Variants in ADAMTS17 observed in about 807,000 individuals in gnomAD.
ADAMTS17 encodes ADAM metallopeptidase with thrombospondin type 1 motif 17.
A neutral mutation model predicts 141.5 loss-of-function variants in ADAMTS17; 113 were observed. The ratio of observed to expected loss-of-function variants is 0.80; its 90% confidence interval spans 0.69 to 0.93. The LOEUF is 0.93. Among genes scored for constraint, ADAMTS17 ranks in the 40% least tolerant of loss-of-function variants. The pLI is 0.00. For missense variants in ADAMTS17, 1,659 were observed against 1,517.9 expected, an observed-to-expected ratio of 1.09 and a Z score of -1.54; for synonymous variants, 768 against 630.6, an observed-to-expected ratio of 1.22 and a Z score of -3.27.
intron 6 of ADAMTS17, among the ~76,000 whole-genome samples, chr15:100,261,083 C>T (rs1313255272): frequency 1.3e-5 from 2 of 152,182 alleles, no homozygotes; most frequent in South Asian, 2.1e-4. Context: ...AAGTCCTGAC[C>T]CTCAGTACCT....
chr15:100,006,839 G>A (rs1264026381), intron 18 of ADAMTS17, among the ~76,000 whole-genome samples: 2 of 152,226 alleles, frequency 1.3e-5, no homozygotes, highest in South Asian at 2.1e-4. Context: ...ATTCCAGGCA[G>A]GGCATCAAGA....
intron 7 of ADAMTS17, among the ~76,000 whole-genome samples, chr15:100,201,748 T>C (rs189295755): frequency 3.9e-5 from 6 of 152,048 alleles, no homozygotes; most frequent in African/African-American, 1.4e-4. Context: ...AACCCAGCAA[T>C]GCAGACTATT....
chr15:100,281,470 C>A (rs2044281334), intron 3 of ADAMTS17, 69 bp from the exon 4 acceptor site: 3 of 1,554,170 alleles, frequency 1.9e-6, no homozygotes, highest in Admixed American at 3.8e-5. Context: ...AGTGAACAGG[C>A]CTTCTGTCAA....
At chr15:100,183,372 T>C (rs1345927745) in intron 8 of ADAMTS17, among the ~76,000 whole-genome samples, 1 of 152,208 alleles carries the variant, frequency 6.6e-6, no homozygotes, top group Admixed American at 6.5e-5. Context: ...TCTGTTCAGA[T>C]TGAGTGAATT....
At chr15:100,077,715 G>A (rs572146751) in intron 15 of ADAMTS17, among the ~76,000 whole-genome samples, 2 of 152,282 alleles carry the variant, frequency 1.3e-5, no homozygotes, top group East Asian at 1.9e-4. Flanking sequence ...AACAAGACAA[G>A]GACGTCCTGC....
intron 14 of ADAMTS17, among the ~76,000 whole-genome samples, chr15:100,106,368 G>T (rs574018586): frequency 6.6e-6 from 1 of 152,240 alleles, no homozygotes; most frequent in African/African-American, 2.4e-5. Flanking sequence ...ACACCCAAGT[G>T]CAGAACAGGG....
At position 100,102,449 on chromosome 15, in the gene ADAMTS17, CAAAGGGGATCTACATTTGAGGGCCAACT is replaced by C. The variant is rs1555449579; in HGVS notation, c.2017-6001_2017-5974del. ...AGGGGATCTACATTTGAGGGCCGACCAAAGGGGATCTACATTTGAGGGCCAACTGAAGGGGATCTACATTTGAGGGCCG... is the reference window on the plus strand; with the variant it reads ...AGGGGATCTACATTTGAGGGCCGACCGAAGGGGATCTACATTTGAGGGCCG... On this transcript the variant is annotated intron_variant, in intron 14 of 21. Coordinates refer to ENST00000268070, the MANE Select transcript of ADAMTS17 (RefSeq NM_139057.4). Among the ~76,000 whole-genome samples, 136 of 60,810 alleles carry C rather than the reference CAAAGGGGATCTACATTTGAGGGCCAACT, an allele frequency of 2.2e-3. 2 individuals carry two copies. Among genetic ancestry groups the C allele is most frequent in the Middle Eastern group, 8.1e-3 (1 of 124 alleles). The allele number at this position is 60,810 out of a possible 152,430, so 39.9% of individuals were successfully genotyped here. A position where few individuals can be genotyped will look rare whatever the true frequency, so the allele number is the denominator to read the frequency against.
intron 7 of ADAMTS17, among the ~76,000 whole-genome samples, chr15:100,226,347 A>G (rs541443669): frequency 6.6e-6 from 1 of 152,356 alleles, no homozygotes; most frequent in African/African-American, 2.4e-5. Flanking sequence ...CTCCAAAGAT[A>G]AGCAGGAGTC....
intron 10 of ADAMTS17, among the ~76,000 whole-genome samples, 167 bp downstream of exon 10, chr15:100,152,445 T>C (rs2039213724): frequency 6.6e-6 from 1 of 152,192 alleles, no homozygotes; most frequent in African/African-American, 2.4e-5. Context: ...TGTTTATGCA[T>C]GTCTCTGTAT....
chr15:100,094,464 A>G (rs947763854), intron 15 of ADAMTS17, among the ~76,000 whole-genome samples: 2 of 152,268 alleles, frequency 1.3e-5, no homozygotes, highest in Admixed American at 1.3e-4. Flanking sequence ...AAGGGCTGGT[A>G]TACAGATCAG....
At chr15:100,284,555 C>G (rs1298061131) in intron 3 of ADAMTS17, among the ~76,000 whole-genome samples, 1 of 152,130 alleles carries the variant, frequency 6.6e-6, no homozygotes, top group Non-Finnish European at 1.5e-5. Flanking sequence ...CGCAAGTGTC[C>G]TTCCTGGGGT....
chr15:100,329,920 GAC>G (rs2045999842), intron 3 of ADAMTS17, among the ~76,000 whole-genome samples: 2 of 152,166 alleles, frequency 1.3e-5, no homozygotes, highest in African/African-American at 2.4e-5. Flanking sequence ...ACTAAACCAA[GAC>G]ACATTGTTTC....
rs768495202 is a variant in ADAMTS17, at chr15:100,254,157, C to A, written c.1054G>T (p.Asp352Tyr). ...VTRTDFCVHK[D>Y]EPCDTVGIAY... ...TTACCAACAGTGTCACACGGTTCATCCTTGTGTACACAGAAATCTGTCCTA... is the reference window on the plus strand; with the variant it reads ...TTACCAACAGTGTCACACGGTTCATACTTGTGTACACAGAAATCTGTCCTA... Residue 352 changes from aspartate to tyrosine, a missense_variant, in exon 7 of 22, where the codon GAT (aspartate) becomes TAT (tyrosine). Transcript: ENST00000268070. 3.7e-5 allele frequency: 60 copies of A among 1,613,380 alleles called. No individual in the cohort carries two copies. The highest frequency in any genetic ancestry group is 4.0e-5 in the Non-Finnish European group (47 of 1,179,476).
intron 15 of ADAMTS17, among the ~76,000 whole-genome samples, chr15:100,093,152 A>T (rs1273815863): frequency 2.6e-5 from 4 of 151,760 alleles, no homozygotes; most frequent in South Asian, 2.1e-4. Flanking sequence ...AGGGCGATAA[A>T]CGCCCTACAC....
At chr15:100,296,262 C>CTT (rs5814960) in intron 3 of ADAMTS17, among the ~76,000 whole-genome samples, 504 of 147,480 alleles carry the variant, frequency 3.4e-3, no homozygotes, top group African/African-American at 0.011. Context: ...TTTGTGACCA[C>CTT]TTTTTTTTTT....
intron 3 of ADAMTS17, among the ~76,000 whole-genome samples, chr15:100,327,823 C>T (rs1425868349): frequency 6.6e-6 from 1 of 152,208 alleles, no homozygotes; most frequent in Non-Finnish European, 1.5e-5. Context: ...CCTGTCCCCT[C>T]GCCTGAAGCC....
intron 10 of ADAMTS17, among the ~76,000 whole-genome samples, chr15:100,138,284 C>A (rs957842252): frequency 2.6e-5 from 4 of 152,256 alleles, no homozygotes; most frequent in Non-Finnish European, 4.4e-5. Flanking sequence ...AACCCATAAT[C>A]AAACATGGTA....
At chr15:99,978,385 G>A (rs1321902250) in intron 20 of ADAMTS17, 1 of 152,252 alleles carries the variant, frequency 6.6e-6, no homozygotes, top group Non-Finnish European at 1.5e-5. Flanking sequence ...CACAAAGGAG[G>A]TGTGAAAACT....
intron 18 of ADAMTS17, among the ~76,000 whole-genome samples, chr15:100,037,683 A>G (rs1450514760): frequency 6.6e-6 from 1 of 152,072 alleles, no homozygotes; most frequent in Non-Finnish European, 1.5e-5. Flanking sequence ...TGCTGGGATT[A>G]CAGGCATAAG....
Sources: gnomAD v4.1 joint callset for allele counts (sites outside exome capture counted in the v4.1 genomes callset) on GRCh38, gnomAD v4.1.1 for gene constraint, MANE v1.5 for transcripts, NCBI Gene and HGNC (gene_info 2026-07-23, HGNC 2026-07-21) for gene names.